NAV2: variants seen among roughly 807,000 people sequenced by gnomAD.
NAV2 encodes the protein neuron navigator 2, also known as helicase, APC down-regulated 1.
NAV2 carries 54 observed loss-of-function variants against 223.2 expected under a neutral mutation model. The ratio of observed to expected loss-of-function variants is 0.24; its 90% CI spans 0.19 to 0.30. The LOEUF (loss-of-function observed/expected upper bound fraction) is 0.30, where lower values mean the gene tolerates loss of function less well. NAV2 is among the 10% of genes least tolerant of loss of function. The probability of loss-of-function intolerance (pLI) is 1.00; values close to 1 mark genes in which losing one functional copy is unlikely to be tolerated. For missense variants in NAV2, 2,806 were observed against 3,147.5 expected, an observed-to-expected ratio of 0.89 and a Z score of 2.60; for synonymous variants, 1,279 against 1,239.3, an observed-to-expected ratio of 1.03 and a Z score of -0.67.
At chr11:19,853,978 G>A (rs2061283773) in intron 3 of NAV2, among the ~76,000 whole-genome samples, 1 of 152,182 alleles carries the variant, frequency 6.6e-6, no homozygotes, top group African/African-American at 2.4e-5. Context: ...GTGGCAACAT[G>A]TTGTACTCAG....
intron 1 of NAV2, among the ~76,000 whole-genome samples, chr11:19,774,160 C>T (rs2055941785): frequency 6.6e-6 from 1 of 152,202 alleles, no homozygotes; most frequent in South Asian, 2.1e-4. Context: ...CCATGCTCCC[C>T]AGCCTTGTGC....
chr11:20,055,689 C>A, intron 18 of NAV2, 80 bp from the exon 19 acceptor site: 1 of 1,259,746 alleles, frequency 7.9e-7, no homozygotes, highest in East Asian at 2.3e-5. Context: ...TAAAAATAAG[C>A]AGTCTTCTCT....
At chr11:20,035,217 T>C in intron 11 of NAV2, among the ~76,000 whole-genome samples, 1 of 151,904 alleles carries the variant, frequency 6.6e-6, no homozygotes, top group South Asian at 2.1e-4. Flanking sequence ...GGCAGAGAAC[T>C]GCACATTTGG....
At chr11:20,056,101 G>A (rs561596136) in intron 19 of NAV2, 144 bp downstream of exon 19, 2 of 729,480 alleles carry the variant, frequency 2.7e-6, no homozygotes, top group South Asian at 3.7e-5. Context: ...CCTACTCTGG[G>A]GGTCAGGGGT....
chr11:19,853,336 T>A (rs1289709168), intron 3 of NAV2, among the ~76,000 whole-genome samples: 2 of 152,242 alleles, frequency 1.3e-5, no homozygotes, highest in African/African-American at 4.8e-5. Context: ...TGTAAAGTTG[T>A]TTCCAGTTTT....
intron 1 of NAV2, among the ~76,000 whole-genome samples, chr11:19,498,416 A>G (rs183370994): frequency 6.6e-6 from 1 of 152,366 alleles, no homozygotes; most frequent in Non-Finnish European, 1.5e-5. Flanking sequence ...GAGCCTCAGT[A>G]TGCTTTTCTT....
At chr11:19,860,924 G>C (rs997665201) in intron 3 of NAV2, among the ~76,000 whole-genome samples, 4 of 151,964 alleles carry the variant, frequency 2.6e-5, no homozygotes, top group South Asian at 2.1e-4. Flanking sequence ...GCAGGCACTC[G>C]GCAGGCTGAG....
chr11:20,024,376 G>A (rs2054836390), intron 11 of NAV2, among the ~76,000 whole-genome samples: 1 of 152,208 alleles, frequency 6.6e-6, no homozygotes, highest in African/African-American at 2.4e-5. Context: ...GATCCCAAGT[G>A]AAGGTCAAAT....
chr11:19,647,693 T>C (rs995042068), intron 1 of NAV2, among the ~76,000 whole-genome samples: 1 of 152,098 alleles, frequency 6.6e-6, no homozygotes, highest in African/African-American at 2.4e-5. Flanking sequence ...TTGTGAGCCC[T>C]GGCCAAGGAT....
At chr11:19,479,418 C>G (rs2729886) in intron 1 of NAV2, among the ~76,000 whole-genome samples, 1,699 of 152,206 alleles carry the variant, frequency 0.011, 30 homozygotes, top group African/African-American at 0.04. Context: ...CAACCATGAG[C>G]AGTTATTGAG....
At chr11:19,626,248 A>G (rs1038124439) in intron 1 of NAV2, among the ~76,000 whole-genome samples, 1 of 152,114 alleles carries the variant, frequency 6.6e-6, no homozygotes, top group Non-Finnish European at 1.5e-5. Flanking sequence ...ATTCTTTTAC[A>G]TATCCAGTTT....
intron 1 of NAV2, among the ~76,000 whole-genome samples, chr11:19,541,896 T>C (rs1329162210): frequency 1.3e-5 from 2 of 152,220 alleles, no homozygotes; most frequent in Non-Finnish European, 2.9e-5. Flanking sequence ...TTACTGTGGA[T>C]CAGTCTGTAA....
intron 1 of NAV2, among the ~76,000 whole-genome samples, chr11:19,727,057 C>T (rs2051313439): frequency 6.6e-6 from 1 of 152,216 alleles, no homozygotes; most frequent in Non-Finnish European, 1.5e-5. Flanking sequence ...CTGTTTCTTA[C>T]ATCTCTCATG....
At chr11:20,044,473 G>A (rs368594865) in intron 13 of NAV2, among the ~76,000 whole-genome samples, 11 of 152,352 alleles carry the variant, frequency 7.2e-5, no homozygotes, top group African/African-American at 2.4e-4. Context: ...CTCTGAAGAT[G>A]GTTCGGCTGC....
chr11:19,569,061 T>C (rs901181763), intron 1 of NAV2, among the ~76,000 whole-genome samples: 1 of 152,250 alleles, frequency 6.6e-6, no homozygotes, highest in African/African-American at 2.4e-5. Flanking sequence ...ATGAAACTTA[T>C]TATCCTGGGT....
chr11:19,690,273 A>G (rs1036654839), intron 1 of NAV2, among the ~76,000 whole-genome samples: 2 of 152,078 alleles, frequency 1.3e-5, no homozygotes, highest in Non-Finnish European at 2.9e-5. Context: ...ATTTACATCT[A>G]TTCTAATATT....
At chr11:19,764,937 C>T (rs538777826) in intron 1 of NAV2, among the ~76,000 whole-genome samples, 8 of 152,292 alleles carry the variant, frequency 5.3e-5, no homozygotes, top group African/African-American at 1.9e-4. Flanking sequence ...TTCAGTTGCA[C>T]ATCTTTGCCA....
chr11:19,774,937 G>C (rs967797747), intron 1 of NAV2, among the ~76,000 whole-genome samples: 2 of 152,106 alleles, frequency 1.3e-5, no homozygotes, highest in Non-Finnish European at 2.9e-5. Context: ...TGTATAGATC[G>C]TAAATGTTGT....
At chr11:19,697,362 C>T (rs893747875) in intron 1 of NAV2, among the ~76,000 whole-genome samples, 10 of 152,088 alleles carry the variant, frequency 6.6e-5, no homozygotes, top group African/African-American at 2.4e-4. Context: ...ATCGTTGAGA[C>T]CCCAAGCCTC....
Sources: gnomAD v4.1 joint callset for allele counts (sites outside exome capture counted in the v4.1 genomes callset) on GRCh38, gnomAD v4.1.1 for gene constraint, MANE v1.5 for transcripts, NCBI Gene and HGNC (gene_info 2026-07-23, HGNC 2026-07-21) for gene names.